Variants in PTP4A2 observed in about 807,000 individuals in gnomAD.
PTP4A2 encodes the protein protein tyrosine phosphatase 4A2, also known as protein tyrosine phosphatase type IVA 2.
In PTP4A2, 2 loss-of-function variants were observed where a neutral mutation model predicts 22.9. The ratio of observed to expected loss-of-function variants is 0.09; its 90% CI spans 0.04 to 0.27. The LOEUF is 0.27. Among genes scored for constraint, PTP4A2 ranks in the 10% least tolerant of loss-of-function variants. The pLI is 1.00. For synonymous variants in PTP4A2, 68 were observed against 69.1 expected, an observed-to-expected ratio of 0.98 and a Z score of 0.08; for missense variants, 103 against 205.1, an observed-to-expected ratio of 0.50 and a Z score of 3.04.
intron 2 of PTP4A2, among the ~76,000 whole-genome samples, chr1:31,916,363 A>G (rs1336018319): frequency 3.3e-5 from 5 of 150,734 alleles, no homozygotes; most frequent in African/African-American, 7.3e-5. Context: ...AAAAAAAAAA[A>G]AAAAAAAAAG....
intron 1 of PTP4A2, among the ~76,000 whole-genome samples, chr1:31,928,980 G>A (rs1197232504): frequency 6.6e-6 from 1 of 152,154 alleles, no homozygotes; most frequent in African/African-American, 2.4e-5. Context: ...AGTCCTGTGG[G>A]CCCTGTTCCC....
chr1:31,927,370 G>T (rs534953454), intron 1 of PTP4A2, among the ~76,000 whole-genome samples: 14 of 152,250 alleles, frequency 9.2e-5, no homozygotes, highest in Admixed American at 2.6e-4. Flanking sequence ...AGGGTGAGAG[G>T]AGAGTGGGGC....
chr1:31,926,597 A>G (rs1652476263), intron 1 of PTP4A2, among the ~76,000 whole-genome samples: 1 of 152,198 alleles, frequency 6.6e-6, no homozygotes, highest in Non-Finnish European at 1.5e-5. Flanking sequence ...ATCTGTCAAC[A>G]GTAAAGAATT....
intron 1 of PTP4A2, chr1:31,935,767 G>A (rs1652908087): frequency 6.6e-6 from 1 of 152,114 alleles, no homozygotes; most frequent in Non-Finnish European, 1.5e-5. Flanking sequence ...TGTAGCACAG[G>A]AGGAAATTAA....
chr1:31,934,744 A>G (rs1478770882), intron 1 of PTP4A2, among the ~76,000 whole-genome samples: 2 of 152,220 alleles, frequency 1.3e-5, no homozygotes, highest in Non-Finnish European at 2.9e-5. Context: ...TGTTTTTTAA[A>G]GCTATACACA....
chr1:31,921,693 T>TA (rs1407404016), intron 1 of PTP4A2: 1 of 152,264 alleles, frequency 6.6e-6, no homozygotes, highest in East Asian at 1.9e-4. Flanking sequence ...TAGAAGTCTC[T>TA]AAAAAATAGC....
At chr1:31,931,599 TTAAC>T (rs1337974950) in intron 1 of PTP4A2, among the ~76,000 whole-genome samples, 1 of 152,206 alleles carries the variant, frequency 6.6e-6, no homozygotes, top group Non-Finnish European at 1.5e-5. Context: ...GATAACGAGT[TTAAC>T]TAAATTCTAC....
chr1:31,911,444 T>C (rs1349266322), intron 4 of PTP4A2, among the ~76,000 whole-genome samples: 1 of 152,224 alleles, frequency 6.6e-6, no homozygotes, highest in Non-Finnish European at 1.5e-5. Flanking sequence ...ACCTGAACTT[T>C]TGATTACTTG....
intron 1 of PTP4A2, chr1:31,930,908 T>C (rs1201338874): frequency 2.0e-5 from 3 of 152,226 alleles, no homozygotes; most frequent in African/African-American, 7.2e-5. Flanking sequence ...TATAATGCCA[T>C]GTCAAGAAGT....
chr1:31,914,769 C>T (rs927522478), intron 3 of PTP4A2, among the ~76,000 whole-genome samples: 10 of 152,222 alleles, frequency 6.6e-5, no homozygotes, highest in African/African-American at 2.4e-4. Flanking sequence ...GTTAACTAAT[C>T]TGATGCTCCC....
chr1:31,916,294 G>A (rs568863491), intron 2 of PTP4A2, among the ~76,000 whole-genome samples: 32 of 132,482 alleles, frequency 2.4e-4, no homozygotes, highest in Non-Finnish European at 3.1e-4. Flanking sequence ...GCAGTGAGCC[G>A]AGATCGTGCC....
intron 5 of PTP4A2, 77 bp downstream of exon 5, chr1:31,909,961 G>T: frequency 7.7e-7 from 1 of 1,305,738 alleles, no homozygotes; most frequent in Non-Finnish European, 1.1e-6. Context: ...TACTATAAAT[G>T]AATATCCCTT....
At chr1:31,926,149 A>AAATATATATAT (rs59088489) in intron 1 of PTP4A2, among the ~76,000 whole-genome samples, 2 of 131,338 alleles carry the variant, frequency 1.5e-5, no homozygotes, top group African/African-American at 5.7e-5. Context: ...AAAAAAAAAA[A>AAATATATATAT]ATATATATAT....
chr1:31,926,596 C>G (rs1449139487), intron 1 of PTP4A2, among the ~76,000 whole-genome samples: 1 of 152,140 alleles, frequency 6.6e-6, no homozygotes, highest in Non-Finnish European at 1.5e-5. Flanking sequence ...AATCTGTCAA[C>G]AGTAAAGAAT....
intron 4 of PTP4A2, chr1:31,910,545 C>T (rs189991484): frequency 6.5e-6 from 1 of 154,668 alleles, no homozygotes; most frequent in South Asian, 1.9e-4. Flanking sequence ...ATCTGCCTGC[C>T]TCCGCCTCCC....
Position 31,915,357 on chromosome 1 carries a change from TTTTTTG to T in PTP4A2, c.189+532_189+537del, listed in dbSNP as rs1223449046. On this transcript the variant is annotated intron_variant, in intron 3 of 5. Transcript: ENST00000647444. The stretch of plus-strand genomic sequence containing the variant: ...AATCCAAAAGTATTACTGCCAGGGT[TTTTTTG>T]TTTTTGTTTTTGAGACAAGGTCTTA... Among the ~76,000 whole-genome samples the T allele has an allele frequency of 7.2e-5, 11 of 152,036 alleles. No individual in the cohort carries two copies. The East Asian group carries it at 1.5e-3, about 21-fold the overall frequency.
Position 31,919,470 on chromosome 1 carries a change from T to TA in PTP4A2, c.-406dup, listed in dbSNP as rs3215721. ...TCATTAAAAGAAATATGCTTGCAAT[T>TA]AAAAAAAAAAAAAGCCAACTATTTC... On this transcript the variant is annotated 5_prime_UTR_variant, in exon 2 of 6. Coordinates refer to ENST00000647444, the MANE Select transcript of PTP4A2 (RefSeq NM_080391.4). 1,101 of 141,632 alleles carry TA rather than the reference T, an allele frequency of 7.8e-3. 12 individuals carry two copies. The highest frequency in any genetic ancestry group is 0.024 in the African/African-American group (938 of 38,632). The allele number at this position is 141,632 out of a possible 1,614,324, so 8.8% of individuals were successfully genotyped here.
chr1:31,911,677 AAT>A lies in PTP4A2; in HGVS notation c.320+17_320+18del. 6.4e-7 allele frequency: 1 copy of A among 1,553,794 alleles called. No individual in the cohort carries two copies. Among genetic ancestry groups the A allele is most frequent in the South Asian group, 1.2e-5 (1 of 81,006 alleles). On this transcript the variant is annotated intron_variant, in intron 4 of 5. Transcript: ENST00000647444. ...GGTAATGAATTCAGACAAAAAGGGT[AAT>A]AAAGGTAAGAGTTTACCTTCCCAAT...
rs1301690411 is a variant in PTP4A2, at chr1:31,908,868, T to A, written c.488A>T (p.His163Leu). The change falls in exon 6 of 6, where the codon CAT (histidine) becomes CTT (leucine). Residue 163 changes from histidine to leucine, a missense_variant. Physicochemically the swap from His to Leu is moderately conservative, Grantham distance 99. This residue lies in a region of PTP4A2 where 35 missense variants were observed against 64.5 expected (regional missense o/e 0.54). Transcript: ENST00000647444. Reference protein sequence around the residue: ...MRLRFRDTNGHCCVQ With the variant: ...MRLRFRDTNGLCCVQ ...CATTTCCTTCTACTGAACACAGCAA[T>A]GCCCATTGGTATCTCTGAAGCGTAA... The A allele has an allele frequency of 1.9e-6, 3 of 1,612,612 alleles. No individual in the cohort carries two copies. Among genetic ancestry groups the A allele is most frequent in the Non-Finnish European group, 2.5e-6 (3 of 1,179,116 alleles).
Sources: allele counts gnomAD v4.1 joint callset (sites outside exome capture counted in the v4.1 genomes callset), GRCh38; gene constraint gnomAD v4.1.1; regional missense constraint gnomAD v4.1.1; transcripts MANE v1.5; gene names NCBI Gene and HGNC (gene_info 2026-07-23, HGNC 2026-07-21).